ITPR2: variants seen among roughly 807,000 people sequenced by gnomAD.
ITPR2 encodes the protein inositol 1,4,5-trisphosphate-gated calcium channel ITPR2.
Under a neutral mutation model 317.1 loss-of-function variants are expected in ITPR2, and 207 were observed. That is an observed-to-expected ratio of 0.65 (90% CI 0.58 to 0.73). The LOEUF (loss-of-function observed/expected upper bound fraction) is 0.73, where lower values mean the gene tolerates loss of function less well. Ranked by LOEUF, ITPR2 falls within the 30% of genes least tolerant of loss-of-function variation. The pLI is 0.00. For synonymous variants in ITPR2, 1,156 were observed against 1,149.1 expected (o/e 1.01, Z -0.12); for missense variants, 2,613 against 3,284.0 (o/e 0.80, Z 4.99).
At chr12:26,678,956 A>T (rs1307030788) in intron 13 of ITPR2, among the ~76,000 whole-genome samples, 1 of 152,238 alleles carries the variant, frequency 6.6e-6, no homozygotes, top group Non-Finnish European at 1.5e-5. Flanking sequence ...TTAGCAAGGG[A>T]GACTTTTTAA....
At chr12:26,362,563 ACTTAC>A (rs1938868704) in intron 55 of ITPR2, among the ~76,000 whole-genome samples, 2 of 152,152 alleles carry the variant, frequency 1.3e-5, no homozygotes, top group African/African-American at 4.8e-5. Flanking sequence ...GTCACTGATT[ACTTAC>A]AGTCATATTT....
chr12:26,643,870 C>T (rs551523672), intron 21 of ITPR2, among the ~76,000 whole-genome samples: 8 of 152,122 alleles, frequency 5.3e-5, no homozygotes, highest in Non-Finnish European at 7.4e-5. Flanking sequence ...AAAAAGGAAA[C>T]GGAACTTGAA....
chr12:26,468,798 A>T (rs11048541), intron 45 of ITPR2, among the ~76,000 whole-genome samples: 1 of 152,236 alleles, frequency 6.6e-6, no homozygotes, highest in East Asian at 1.9e-4. Flanking sequence ...ACATTTGTTA[A>T]GTGCCTACAG....
chr12:26,376,071 G>A (rs772443608), intron 55 of ITPR2, among the ~76,000 whole-genome samples: 26 of 152,124 alleles, frequency 1.7e-4, no homozygotes, highest in Non-Finnish European at 3.1e-4. Context: ...TGAGCAAAAG[G>A]GCGAGACCCG....
chr12:26,730,324 C>A (rs1400788450), intron 2 of ITPR2, among the ~76,000 whole-genome samples: 1 of 152,212 alleles, frequency 6.6e-6, no homozygotes. Context: ...CCCGGTCTCA[C>A]CTGCCCTCCT....
At chr12:26,808,682 TA>T (rs1197860418) in intron 1 of ITPR2, among the ~76,000 whole-genome samples, 1 of 152,150 alleles carries the variant, frequency 6.6e-6, no homozygotes, top group Non-Finnish European at 1.5e-5. Context: ...TTAGGCATAG[TA>T]ATGGAAAGCT....
At chr12:26,371,095 C>T (rs1289173792) in intron 55 of ITPR2, among the ~76,000 whole-genome samples, 1 of 152,164 alleles carries the variant, frequency 6.6e-6, no homozygotes, top group Non-Finnish European at 1.5e-5. Context: ...CTGGATGGCC[C>T]ATTGACACCA....
chr12:26,566,004 A>G (rs578041426), intron 34 of ITPR2, among the ~76,000 whole-genome samples: 1 of 95,258 alleles, frequency 1.0e-5, no homozygotes, highest in Non-Finnish European at 2.2e-5. Context: ...GGAGAGGTGA[A>G]GAAGAGGAGA....
At chr12:26,494,081 C>T in intron 39 of ITPR2, 72 bp downstream of exon 39, 1 of 1,194,934 alleles carries the variant, frequency 8.4e-7, no homozygotes, top group Non-Finnish European at 1.2e-6. Flanking sequence ...CATTACTTTT[C>T]CTTGGTTTCT....
At chr12:26,407,365 C>T (rs143657042) in intron 52 of ITPR2, among the ~76,000 whole-genome samples, 1 of 152,098 alleles carries the variant, frequency 6.6e-6, no homozygotes, top group South Asian at 2.1e-4. Flanking sequence ...TTGTTGTGGA[C>T]TGTCCTGTGC....
At chr12:26,381,403 T>C (rs1283314248) in intron 55 of ITPR2, among the ~76,000 whole-genome samples, 1 of 152,196 alleles carries the variant, frequency 6.6e-6, no homozygotes, top group Non-Finnish European at 1.5e-5. Context: ...GTTTTGAGTT[T>C]CGTGGGAGAA....
At chr12:26,649,633 C>T (rs1288776884) in intron 21 of ITPR2, among the ~76,000 whole-genome samples, 3 of 152,170 alleles carry the variant, frequency 2.0e-5, no homozygotes, top group Non-Finnish European at 4.4e-5. Context: ...CAGATCATAT[C>T]AATCCCTTCT....
At chr12:26,441,372 T>C (rs1222907437) in intron 46 of ITPR2, among the ~76,000 whole-genome samples, 1 of 152,178 alleles carries the variant, frequency 6.6e-6, no homozygotes, top group African/African-American at 2.4e-5. Flanking sequence ...ATTGTTGTGG[T>C]TATGTTCAAG....
At position 26,552,348 on chromosome 12, in the gene ITPR2, C is replaced by A. The variant is rs573714091; in HGVS notation, c.4965-1993G>T. Reference sequence around the variant, plus strand: ...GGACCACAGGTATATGCCACCATGCCTGGCTAAATTTTTTTACTTTTTGCA... The same window carrying A: ...GGACCACAGGTATATGCCACCATGCATGGCTAAATTTTTTTACTTTTTGCA... On this transcript the variant is annotated intron_variant, in intron 36 of 56. Coordinates refer to ENST00000381340, the MANE Select transcript of ITPR2 (RefSeq NM_002223.4). Among the ~76,000 whole-genome samples the A allele has an allele frequency of 2.0e-5, 3 of 152,242 alleles. No homozygotes were observed. The South Asian group carries it at 6.2e-4, about 32-fold the overall frequency.
In ITPR2 at chr12:26,600,009, A is replaced by T; in HGVS notation, c.3779T>A (p.Leu1260Gln). 6.2e-7 allele frequency: 1 copy of T among 1,606,132 alleles called. No homozygotes were observed. Among genetic ancestry groups the T allele is most frequent in the Non-Finnish European group, 8.5e-7 (1 of 1,173,210 alleles). The change falls in exon 29 of 57, where the codon CTG becomes CAG. Residue 1260 changes from leucine (L) to glutamine (Q), a missense_variant. Around this residue, in one of 9 missense-constraint regions of ITPR2, gnomAD observed 817 missense variants for 897.6 expected, o/e 0.91. Transcript: ENST00000381340. Reference sequence around the variant, plus strand: ...TACACCTGGAGTTAAAAACAAATTCAGATGTTTATGAAGAAGAACTTGATT... The same window carrying T: ...TACACCTGGAGTTAAAAACAAATTCTGATGTTTATGAAGAAGAACTTGATT... ...PQNQVLLHKH[L>Q]NLFLTPGLLE...
At chr12:26,436,929 A>T (rs973120354) in intron 47 of ITPR2, among the ~76,000 whole-genome samples, 7 of 152,236 alleles carry the variant, frequency 4.6e-5, no homozygotes, top group African/African-American at 1.4e-4. Flanking sequence ...CTTCCTAAGA[A>T]CTTGTTGGGT....
At chr12:26,714,109 C>A (rs1354347197) in intron 8 of ITPR2, among the ~76,000 whole-genome samples, 1 of 152,198 alleles carries the variant, frequency 6.6e-6, no homozygotes, top group African/African-American at 2.4e-5. Context: ...CGATTCTAAA[C>A]CATGTCATAA....
chr12:26,667,975 G>C (rs533190910), intron 13 of ITPR2, among the ~76,000 whole-genome samples: 13 of 152,296 alleles, frequency 8.5e-5, no homozygotes, highest in Non-Finnish European at 1.6e-4. Context: ...ATGGAAGCCA[G>C]GAAAAGCAAC....
rs1351549709 is a variant in ITPR2, at chr12:26,663,665, A to C, written c.1713+20T>G. ...ATACTTTACATATGAAACAGTTTAA[A>C]ATGGGGGCTACCCTCTGACCTGATT... On this transcript the variant is annotated intron_variant, in intron 15 of 56. Transcript: ENST00000381340. The C allele has an allele frequency of 1.3e-6, 2 of 1,590,436 alleles. No individual in the cohort carries two copies. Among genetic ancestry groups the C allele is most frequent in the Non-Finnish European group, 1.7e-6 (2 of 1,170,606 alleles).
Sources: allele counts gnomAD v4.1 joint callset (sites outside exome capture counted in the v4.1 genomes callset), GRCh38; gene constraint gnomAD v4.1.1; regional missense constraint gnomAD v4.1.1; transcripts MANE v1.5; gene names NCBI Gene and HGNC (gene_info 2026-07-23, HGNC 2026-07-21).